CRADD: variants seen among roughly 807,000 people sequenced by gnomAD.
CRADD encodes the protein death domain-containing protein CRADD.
In CRADD, 9 loss-of-function variants were observed where a neutral mutation model predicts 15.5. The ratio of observed to expected loss-of-function variants is 0.58; its 90% CI spans 0.35 to 1.01. The LOEUF (loss-of-function observed/expected upper bound fraction) is 1.01. CRADD is among the 50% of genes least tolerant of loss of function. The probability of loss-of-function intolerance (pLI) is 0.02; values close to 1 mark genes in which losing one functional copy is unlikely to be tolerated. For missense variants in CRADD, 227 were observed against 250.3 expected, an observed-to-expected ratio of 0.91 and a Z score of 0.63; for synonymous variants, 118 against 107.6, an observed-to-expected ratio of 1.10 and a Z score of -0.60.
At chr12:93,864,814 A>C (rs1341472727) in intron 2 of CRADD, among the ~76,000 whole-genome samples, 1 of 152,148 alleles carries the variant, frequency 6.6e-6, no homozygotes. Flanking sequence ...AATCTTACAC[A>C]TGTTTCTTAT....
intron 2 of CRADD, among the ~76,000 whole-genome samples, chr12:93,857,064 A>G (rs965350177): frequency 6.6e-6 from 1 of 152,156 alleles, no homozygotes; most frequent in Non-Finnish European, 1.5e-5. Flanking sequence ...TGCAAAATAT[A>G]TGGCAATAAT....
intron 2 of CRADD, among the ~76,000 whole-genome samples, chr12:93,820,430 T>C (rs1957756410): frequency 6.6e-6 from 1 of 151,832 alleles, no homozygotes; most frequent in African/African-American, 2.4e-5. Flanking sequence ...GCACCTGTAG[T>C]CCCAGCTACT....
At chr12:93,741,191 T>C (rs1248359258) in intron 2 of CRADD, among the ~76,000 whole-genome samples, 1 of 152,238 alleles carries the variant, frequency 6.6e-6, no homozygotes, top group Admixed American at 6.5e-5. Context: ...TTATTACAGA[T>C]GCAATGATTT....
chr12:93,690,145 G>A (rs1001665515), intron 2 of CRADD, among the ~76,000 whole-genome samples: 2 of 152,220 alleles, frequency 1.3e-5, no homozygotes, highest in African/African-American at 4.8e-5. Flanking sequence ...CTTCAATCAA[G>A]TTTCTACACT....
downstream of CRADD, among the ~76,000 whole-genome samples, chr12:93,851,353 C>T (rs1464507871): frequency 6.6e-6 from 1 of 152,172 alleles, no homozygotes; most frequent in African/African-American, 2.4e-5. Context: ...CCCCTTCTCT[C>T]TTGCATGCTC....
intron 2 of CRADD, among the ~76,000 whole-genome samples, chr12:93,866,002 G>A (rs1958364417): frequency 6.6e-6 from 1 of 152,070 alleles, no homozygotes; most frequent in African/African-American, 2.4e-5. Flanking sequence ...GCATTATTGA[G>A]AAGATTAATG....
At chr12:93,776,227 T>G (rs549867128) in intron 2 of CRADD, among the ~76,000 whole-genome samples, 1 of 152,356 alleles carries the variant, frequency 6.6e-6, no homozygotes, top group East Asian at 1.9e-4. Flanking sequence ...TTTCTGTGAT[T>G]CTTATCGAAC....
chr12:93,778,345 C>A (rs528987465), intron 2 of CRADD, among the ~76,000 whole-genome samples: 1 of 151,994 alleles, frequency 6.6e-6, no homozygotes, highest in Non-Finnish European at 1.5e-5. Context: ...TGATTCAGAG[C>A]GCGAGGGAAA....
At chr12:93,865,574 A>G (rs1329627263) in intron 2 of CRADD, among the ~76,000 whole-genome samples, 1 of 152,034 alleles carries the variant, frequency 6.6e-6, no homozygotes, top group Non-Finnish European at 1.5e-5. Context: ...ACATGCCACC[A>G]TGCCTGGCTG....
intron 2 of CRADD, among the ~76,000 whole-genome samples, chr12:93,836,930 C>T (rs1957978760): frequency 6.6e-6 from 1 of 152,158 alleles, no homozygotes; most frequent in Non-Finnish European, 1.5e-5. Context: ...AAATATATCA[C>T]ACGTTACAAG....
chr12:93,761,513 G>A (rs2136950555), intron 2 of CRADD, among the ~76,000 whole-genome samples: 1 of 152,218 alleles, frequency 6.6e-6, no homozygotes, highest in South Asian at 2.1e-4. Flanking sequence ...CAATTGGGTG[G>A]GTGGAGTGGC....
intron 2 of CRADD, among the ~76,000 whole-genome samples, chr12:93,881,402 A>G (rs1441960700): frequency 4.9e-5 from 6 of 123,482 alleles, no homozygotes; most frequent in Non-Finnish European, 9.7e-5. Context: ...AAACACGTCA[A>G]TTTTTTTTGT....
chr12:93,773,176 A>G lies in CRADD; in HGVS notation c.299-76794A>G, dbSNP rs1957102772. On this transcript the variant is annotated intron_variant, in intron 2 of 2. Coordinates refer to ENST00000332896, the MANE Select transcript of CRADD (RefSeq NM_003805.5). ...CAATATGTCTTACGTAAGTCAGAGT[A>G]GGCTCTCTGCTGTAACAAAGAACTC... 2.0e-5 allele frequency among the ~76,000 whole-genome samples: 3 copies of G among 152,360 alleles called. No individual in the cohort carries two copies. In the South Asian group the frequency reaches 6.2e-4, roughly 32 times the overall value.
intron 2 of CRADD, chr12:93,838,099 G>A (rs117600824): frequency 5.3e-5 from 8 of 151,872 alleles, no homozygotes; most frequent in Admixed American, 3.3e-4. Flanking sequence ...CCTGGAAATC[G>A]GTTTTAGAAA....
chr12:93,825,555 T>G (rs886621703), intron 2 of CRADD, among the ~76,000 whole-genome samples: 1 of 152,216 alleles, frequency 6.6e-6, no homozygotes, highest in African/African-American at 2.4e-5. Flanking sequence ...TGTTGGAAAC[T>G]GTTTCTAAGC....
intron 2 of CRADD, among the ~76,000 whole-genome samples, chr12:93,879,143 C>T (rs78360251): frequency 0.041 from 6,298 of 151,940 alleles, 222 homozygotes; most frequent in East Asian, 0.16. Flanking sequence ...GTTGTCTTTT[C>T]GATTGTATCT....
chr12:93,785,166 G>A (rs1377970294), intron 2 of CRADD, among the ~76,000 whole-genome samples: 1 of 151,892 alleles, frequency 6.6e-6, no homozygotes, highest in African/African-American at 2.4e-5. Flanking sequence ...CAATTGGCAA[G>A]CTATTTTTTG....
At chr12:93,863,020 G>A (rs1199113744) in intron 2 of CRADD, among the ~76,000 whole-genome samples, 2 of 152,206 alleles carry the variant, frequency 1.3e-5, no homozygotes, top group African/African-American at 4.8e-5. Context: ...CACATGGAAA[G>A]AGACCCGTGG....
rs138330733 is a variant in CRADD at position 93,690,229 on chromosome 12, C to T, written c.298+11157C>T. On this transcript the variant is annotated intron_variant, in intron 2 of 2. Transcript: ENST00000332896. The stretch of plus-strand genomic sequence containing the variant: ...CCTTCCTCTAGGACACCAGAATCAC[C>T]TGAAGTGGGGAAAGGAAGTTCCAAA... 4.7e-3 allele frequency among the ~76,000 whole-genome samples: 715 copies of T among 152,336 alleles called. 5 individuals are homozygous for T. Among genetic ancestry groups the T allele is most frequent in the Non-Finnish European group, 8.1e-3 (553 of 68,034 alleles).
Sources: allele counts gnomAD v4.1 joint callset (sites outside exome capture counted in the v4.1 genomes callset), GRCh38; gene constraint gnomAD v4.1.1; transcripts MANE v1.5; gene names NCBI Gene and HGNC (gene_info 2026-07-23, HGNC 2026-07-21).